The following GRHL2 variants were observed in gnomAD, a reference collection of about 807,000 sequenced individuals.
GRHL2 encodes the protein grainyhead-like protein 2 homolog.
Under a neutral mutation model 83.8 loss-of-function variants are expected in GRHL2, and 21 were observed. That is an observed-to-expected ratio of 0.25 (90% CI 0.18 to 0.36). GRHL2 has a LOEUF of 0.36. GRHL2 is among the 10% of genes least tolerant of loss of function. The probability of loss-of-function intolerance (pLI) is 1.00; values close to 1 mark genes in which losing one functional copy is unlikely to be tolerated. For synonymous variants in GRHL2, 280 were observed against 278.9 expected (o/e 1.00, Z -0.04); for missense variants, 623 against 781.8 (o/e 0.80, Z 2.42).
intron 1 of GRHL2, among the ~76,000 whole-genome samples, chr8:101,536,759 G>T (rs1357590162): frequency 6.6e-6 from 1 of 152,132 alleles, no homozygotes; most frequent in East Asian, 1.9e-4. Context: ...TTGACAGCAA[G>T]ATTCTTTTTT....
At chr8:101,496,225 G>C (rs1810101275) in intron 1 of GRHL2, among the ~76,000 whole-genome samples, 1 of 151,452 alleles carries the variant, frequency 6.6e-6, no homozygotes, top group East Asian at 1.9e-4. Flanking sequence ...GATAATTTCA[G>C]TCATTTTGTG....
At chr8:101,572,315 T>C (rs1339826188) in intron 5 of GRHL2, among the ~76,000 whole-genome samples, 1 of 152,240 alleles carries the variant, frequency 6.6e-6, no homozygotes, top group East Asian at 1.9e-4. Context: ...TTTTGAATGA[T>C]TTATTTCCCA....
chr8:101,592,762 C>T (rs1812313350), intron 7 of GRHL2, among the ~76,000 whole-genome samples: 1 of 152,192 alleles, frequency 6.6e-6, no homozygotes, highest in African/African-American at 2.4e-5. Flanking sequence ...AGGATCCTAG[C>T]AGACCCCAGA....
chr8:101,544,344 T>C (rs1811216865), intron 2 of GRHL2, among the ~76,000 whole-genome samples: 1 of 152,192 alleles, frequency 6.6e-6, no homozygotes, highest in Non-Finnish European at 1.5e-5. Context: ...TCCATTTGTT[T>C]TGATGAGTAG....
chr8:101,578,916 G>T (rs190618430), intron 7 of GRHL2, among the ~76,000 whole-genome samples: 1 of 152,102 alleles, frequency 6.6e-6, no homozygotes, highest in Admixed American at 6.6e-5. Flanking sequence ...TAGTTAAGCC[G>T]CTCCTCACCT....
At chr8:101,632,815 T>C (rs1813213237) in intron 11 of GRHL2, among the ~76,000 whole-genome samples, 1 of 152,242 alleles carries the variant, frequency 6.6e-6, no homozygotes, top group Non-Finnish European at 1.5e-5. Flanking sequence ...AAAGTTCCCA[T>C]TTAATAGGTA....
chr8:101,610,337 A>C (rs543230056), intron 8 of GRHL2, among the ~76,000 whole-genome samples: 1 of 151,128 alleles, frequency 6.6e-6, no homozygotes, highest in South Asian at 2.1e-4. Flanking sequence ...CCAGGGAGAG[A>C]ATCCAGCTGG....
the GRHL2 span, among the ~76,000 whole-genome samples, chr8:101,674,961 A>G: frequency 3.3e-5 from 5 of 152,192 alleles, no homozygotes; most frequent in South Asian, 6.2e-4. Context: ...CAAAAACCAC[A>G]TGATTATCTC....
chr8:101,559,059 T>A (rs34298512), intron 4 of GRHL2, among the ~76,000 whole-genome samples: 1 of 152,136 alleles, frequency 6.6e-6, no homozygotes, highest in Non-Finnish European at 1.5e-5. Flanking sequence ...GATTTCTTTG[T>A]TTTCATTTTA....
intron 8 of GRHL2, among the ~76,000 whole-genome samples, chr8:101,610,977 G>A (rs1812736846): frequency 1.3e-5 from 2 of 150,962 alleles, no homozygotes; most frequent in South Asian, 2.1e-4. Context: ...AGAAGGATAA[G>A]AAGAGGATTG....
chr8:101,600,819 G>C (rs1812494087), intron 8 of GRHL2, among the ~76,000 whole-genome samples: 1 of 152,176 alleles, frequency 6.6e-6, no homozygotes, highest in Admixed American at 6.5e-5. Context: ...GCCTATGTCA[G>C]AGTCCTTGGG....
chr8:101,673,225 G>A (rs532287376), downstream of GRHL2, among the ~76,000 whole-genome samples: 20 of 151,848 alleles, frequency 1.3e-4, no homozygotes, highest in Non-Finnish European at 2.6e-4. Flanking sequence ...AATGTAAATG[G>A]GCTAAATGCT....
chr8:101,660,976 A>C (rs540578410), intron 14 of GRHL2, among the ~76,000 whole-genome samples: 24 of 152,202 alleles, frequency 1.6e-4, no homozygotes, highest in Non-Finnish European at 2.5e-4. Flanking sequence ...TTTTTACTTC[A>C]AGAATATTTA....
chr8:101,649,358 A>T (rs1476308843), intron 13 of GRHL2, 56 bp from the exon 14 acceptor site: 1 of 1,354,142 alleles, frequency 7.4e-7, no homozygotes, highest in Non-Finnish European at 1.1e-6. Context: ...CCCCTGGAGC[A>T]GCTGTGGAAT....
In GRHL2 at chr8:101,549,067, C is replaced by A. The variant is rs561824972; in HGVS notation, c.217-3648C>A. Among the ~76,000 whole-genome samples the A allele has an allele frequency of 4.6e-5, 7 of 150,742 alleles. No individual in the cohort carries two copies. The South Asian group carries it at 1.5e-3, about 31-fold the overall frequency. ...AAGGTAGGCATAGAGACTGCCATAT[C>A]ATGGACACAGAAAATTAGATGGGAC... On this transcript the variant is annotated intron_variant, in intron 2 of 15. Transcript: ENST00000646743.
chr8:101,499,968 C>T (rs1385917321), intron 1 of GRHL2, among the ~76,000 whole-genome samples: 1 of 152,038 alleles, frequency 6.6e-6, no homozygotes, highest in Non-Finnish European at 1.5e-5. Flanking sequence ...CCCAGCTACT[C>T]AGGAGGCTGA....
intron 1 of GRHL2, among the ~76,000 whole-genome samples, chr8:101,530,109 A>G (rs1810893395): frequency 6.6e-6 from 1 of 152,234 alleles, no homozygotes; most frequent in African/African-American, 2.4e-5. Flanking sequence ...AGCCATAGGC[A>G]CTGAAGACTT....
intron 11 of GRHL2, 148 bp downstream of exon 11, chr8:101,632,513 T>C: frequency 1.0e-6 from 1 of 970,412 alleles, no homozygotes; most frequent in Non-Finnish European, 1.6e-6. Context: ...CTATAGTAAA[T>C]GCATTTTTAT....
intron 13 of GRHL2, among the ~76,000 whole-genome samples, chr8:101,645,374 G>A (rs1472996268): frequency 2.0e-5 from 3 of 152,044 alleles, no homozygotes; most frequent in East Asian, 1.9e-4. Context: ...CTTGTGATCC[G>A]GCCGCCTTGG....
Sources: gnomAD v4.1 joint callset for allele counts (sites outside exome capture counted in the v4.1 genomes callset) on GRCh38, gnomAD v4.1.1 for gene constraint, MANE v1.5 for transcripts, NCBI Gene and HGNC (gene_info 2026-07-23, HGNC 2026-07-21) for gene names.